GRHL3: variants seen among roughly 807,000 people sequenced by gnomAD.
The protein encoded by GRHL3 is grainyhead like transcription factor 3.
In GRHL3, 20 loss-of-function variants were observed where a neutral mutation model predicts 70.3. The ratio of observed to expected loss-of-function variants is 0.28; its 90% CI spans 0.20 to 0.41. The LOEUF (loss-of-function observed/expected upper bound fraction) is 0.41. Among genes scored for constraint, GRHL3 ranks in the 10% least tolerant of loss-of-function variants. The pLI is 1.00. For synonymous variants in GRHL3, 299 were observed against 299.9 expected (o/e 1.00, Z 0.03); for missense variants, 637 against 762.3 (o/e 0.84, Z 1.94).
At chr1:24,352,074 C>G (rs1426248828) in intron 15 of GRHL3, among the ~76,000 whole-genome samples, 1 of 152,114 alleles carries the variant, frequency 6.6e-6, no homozygotes, top group Non-Finnish European at 1.5e-5. Context: ...AGCACCATAG[C>G]CAGGGCATCA....
chr1:24,338,883 T>G (rs1411516898), intron 7 of GRHL3, among the ~76,000 whole-genome samples: 1 of 152,240 alleles, frequency 6.6e-6, no homozygotes, highest in African/African-American at 2.4e-5. Context: ...TTTCCTCATA[T>G]GTAAACTGAA....
chr1:24,347,449 G>T lies in GRHL3; in HGVS notation c.1544-19G>T, dbSNP rs762400206. On this transcript the variant is annotated intron_variant, in intron 13 of 15. Coordinates refer to ENST00000361548, the MANE Select transcript of GRHL3 (RefSeq NM_198173.3). ...TTCACATTATCTTCCTTGCACTCAA[G>T]CTGGCCCTTGCTTTTCAGTTCTGCT... The T allele has an allele frequency of 1.2e-6, 2 of 1,606,812 alleles. No homozygotes were observed. Among genetic ancestry groups the T allele is most frequent in the Non-Finnish European group, 8.5e-7 (1 of 1,173,338 alleles).
intron 3 of GRHL3, among the ~76,000 whole-genome samples, chr1:24,335,092 T>C (rs115685265): frequency 0.021 from 3,136 of 150,900 alleles, 115 homozygotes; most frequent in African/African-American, 0.073. Flanking sequence ...CTATAGGCCA[T>C]GTGGGCTGGA....
At position 24,364,207 on chromosome 1, in the gene GRHL3, C is replaced by T. The variant is rs763952499; in HGVS notation, c.1717C>T (p.Arg573Cys). 2.9e-5 allele frequency: 45 copies of T among 1,539,308 alleles called. No homozygotes were observed. The highest frequency in any genetic ancestry group is 2.5e-4 in the African/African-American group (18 of 72,662). ...CAGGGAAACTTCTCTCCTCCACCCA[C>T]GCCTGTCTCGCCACCCCCCACCTGA... The change falls in exon 16 of 16, where the codon CGC (arginine) becomes TGC (cysteine). Residue 573 changes from arginine to cysteine, a missense_variant. Transcript: ENST00000350501.
chr1:24,320,860 T>G (rs1639154652), intron 1 of GRHL3, among the ~76,000 whole-genome samples: 1 of 152,210 alleles, frequency 6.6e-6, no homozygotes, highest in South Asian at 2.1e-4. Context: ...CTTATAGCTG[T>G]GTGATGTTGA....
chr1:24,356,870 A>G (rs528982546), downstream of GRHL3: 1 of 152,350 alleles, frequency 6.6e-6, no homozygotes, highest in South Asian at 2.1e-4. Context: ...TGTGAAAACC[A>G]TGATCCCTCT....
At chr1:24,319,607 G>A (rs913541054) in intron 1 of GRHL3, 39 bp downstream of exon 1, 2 of 1,613,586 alleles carry the variant, frequency 1.2e-6, no homozygotes, top group Non-Finnish European at 8.5e-7. Flanking sequence ...CTCTCAGAGC[G>A]TGGAGGCTGG....
At chr1:24,343,235 A>G (rs1640120830) in intron 11 of GRHL3, 2 of 555,580 alleles carry the variant, frequency 3.6e-6, no homozygotes, top group Non-Finnish European at 6.3e-6. Flanking sequence ...GAAGAAACAG[A>G]TTTCGTAACC....
At position 24,337,667 on chromosome 1, in the gene GRHL3, G is replaced by C; in HGVS notation, c.718G>C (p.Ala240Pro). The change falls in exon 6 of 16, where the codon GCC becomes CCC. Residue 240 changes from alanine (A) to proline (P), a missense_variant. By Grantham distance (27) the Ala-to-Pro change is conservative. Coordinates refer to ENST00000361548, the MANE Select transcript of GRHL3 (RefSeq NM_198173.3). ...DFEYTLGSPK[A>P]IHIKSGESPM... ...TGAATACACCCTGGGCTCCCCCAAA[G>C]CCATCCACATCAAGTCAGGCGAGTC... 1 of 1,614,148 alleles carries C rather than the reference G, an allele frequency of 6.2e-7. No homozygotes were observed. The highest frequency in any genetic ancestry group is 8.5e-7 in the Non-Finnish European group (1 of 1,180,030).
chr1:24,364,455 C>T, exon 16 of GRHL3: 2 of 1,431,006 alleles, frequency 1.4e-6, no homozygotes, highest in Non-Finnish European at 1.8e-6. Context: ...CCCCTGAATA[C>T]ATTCTGGCTA....
At chr1:24,340,654 G>A (rs1349715170) in intron 8 of GRHL3, among the ~76,000 whole-genome samples, 3 of 152,222 alleles carry the variant, frequency 2.0e-5, no homozygotes, top group Admixed American at 2.0e-4. Flanking sequence ...GCTCATCTCA[G>A]GGGCATTTCT....
chr1:24,349,613 C>G (rs1640425821), intron 14 of GRHL3, among the ~76,000 whole-genome samples: 1 of 152,180 alleles, frequency 6.6e-6, no homozygotes, highest in Admixed American at 6.5e-5. Flanking sequence ...TTGCACGAGG[C>G]CAGCCAGCTG....
chr1:24,329,174 G>C (rs1023058565), intron 1 of GRHL3, among the ~76,000 whole-genome samples: 9 of 152,228 alleles, frequency 5.9e-5, no homozygotes, highest in African/African-American at 1.9e-4. Context: ...CTGCGTGACA[G>C]CTCCACCTCC....
chr1:24,337,816 A>T (rs900416862), intron 6 of GRHL3, 27 bp downstream of exon 6: 6 of 1,613,770 alleles, frequency 3.7e-6, no homozygotes, highest in Non-Finnish European at 5.1e-6. Context: ...CAGCTTCAGA[A>T]GGGGTGGAAT....
chr1:24,337,900 A>G (rs1639885614), intron 6 of GRHL3, 92 bp from the exon 7 acceptor site: 1 of 1,559,870 alleles, frequency 6.4e-7, no homozygotes, highest in Admixed American at 1.7e-5. Context: ...GCCCATTGCC[A>G]CAGGGTTGGG....
At chr1:24,348,954 C>T (rs1224923592) in intron 14 of GRHL3, among the ~76,000 whole-genome samples, 1 of 152,212 alleles carries the variant, frequency 6.6e-6, no homozygotes, top group African/African-American at 2.4e-5. Context: ...TAATCAACAC[C>T]GACGTCTTAC....
chr1:24,342,658 A>G lies in GRHL3; in HGVS notation c.1207-36A>G, dbSNP rs780375212. 2.8e-5 allele frequency: 45 copies of G among 1,588,376 alleles called. No homozygotes were observed. The highest frequency in any genetic ancestry group is 1.2e-4 in the Admixed American group (7 of 59,928). On this transcript the variant is annotated intron_variant, in intron 9 of 15. Coordinates refer to ENST00000361548, the MANE Select transcript of GRHL3 (RefSeq NM_198173.3). The surrounding 1 kb of genome is among the most constrained non-coding windows in gnomAD (Gnocchi z 4.8). ...GCTGTGAAAGTAGCTAGCCCCTCCC[A>G]GGCCCTTGGTGACCCTCTCTCCTTC...
chr1:24,329,121 C>G (rs1258660392), intron 1 of GRHL3, among the ~76,000 whole-genome samples: 1 of 152,218 alleles, frequency 6.6e-6, no homozygotes, highest in East Asian at 1.9e-4. Flanking sequence ...GCCTCCCGCT[C>G]TCCGCACCCC....
At chr1:24,331,697 AC>A in intron 2 of GRHL3, 85 bp downstream of exon 2, 1 of 1,193,924 alleles carries the variant, frequency 8.4e-7, no homozygotes, top group Non-Finnish European at 1.2e-6. Context: ...GCCCACCATG[AC>A]CACCCCAGCC....
Sources: gnomAD v4.1 joint callset for allele counts (sites outside exome capture counted in the v4.1 genomes callset) on GRCh38, gnomAD v4.1.1 for gene constraint, Gnocchi (gnomAD v3.1) non-coding constraint, MANE v1.5 for transcripts, NCBI Gene and HGNC (gene_info 2026-07-23, HGNC 2026-07-21) for gene names.